The following ZNRF3 variants were observed in gnomAD, a reference collection of about 807,000 sequenced individuals.
The protein encoded by ZNRF3 is E3 ubiquitin-protein ligase ZNRF3.
In ZNRF3, 23 loss-of-function variants were observed where a neutral mutation model predicts 72.5. The observed-to-expected ratio is 0.32, with a 90% confidence interval of 0.23 to 0.45. The LOEUF (loss-of-function observed/expected upper bound fraction) is 0.45. ZNRF3 is among the 20% of genes least tolerant of loss of function. The pLI is 1.00. For missense variants in ZNRF3, 1,169 were observed against 1,272.1 expected, an observed-to-expected ratio of 0.92 and a Z score of 1.23; for synonymous variants, 610 against 545.3, an observed-to-expected ratio of 1.12 and a Z score of -1.65.
At chr22:28,960,312 C>G (rs1294893131) in intron 1 of ZNRF3, among the ~76,000 whole-genome samples, 2 of 152,052 alleles carry the variant, frequency 1.3e-5, no homozygotes, top group African/African-American at 2.4e-5. Flanking sequence ...TGTACTGTCT[C>G]ATGGGTTTTT....
intron 2 of ZNRF3, among the ~76,000 whole-genome samples, chr22:28,998,949 G>C (rs1017475862): frequency 6.6e-6 from 1 of 152,086 alleles, no homozygotes; most frequent in Non-Finnish European, 1.5e-5. Context: ...GGCTCTTGAT[G>C]CAACAAGGGT....
At chr22:28,914,536 C>A (rs1374254916) in intron 1 of ZNRF3, among the ~76,000 whole-genome samples, 2 of 147,068 alleles carry the variant, frequency 1.4e-5, no homozygotes, top group Non-Finnish European at 3.0e-5. Context: ...AGTTGGAGGC[C>A]GGGCACGGTG....
intron 1 of ZNRF3, among the ~76,000 whole-genome samples, chr22:28,980,237 G>A (rs987702593): frequency 6.6e-6 from 1 of 152,084 alleles, no homozygotes; most frequent in Non-Finnish European, 1.5e-5. Context: ...AGGGGGGGAA[G>A]GGGAATGGAT....
intron 1 of ZNRF3, among the ~76,000 whole-genome samples, chr22:28,921,290 T>C (rs1277067648): frequency 2.0e-5 from 3 of 152,156 alleles, no homozygotes; most frequent in Non-Finnish European, 4.4e-5. Flanking sequence ...GGCTGCCAGA[T>C]GTGCTCCCCT....
At chr22:28,901,455 C>T (rs1435018220) in intron 1 of ZNRF3, among the ~76,000 whole-genome samples, 1 of 152,024 alleles carries the variant, frequency 6.6e-6, no homozygotes, top group East Asian at 1.9e-4. Flanking sequence ...ACCAGGGAAC[C>T]ATGTTTGTTA....
chr22:28,937,210 TA>T (rs1340138302), intron 1 of ZNRF3, among the ~76,000 whole-genome samples: 38 of 2,848 alleles, frequency 0.013, no homozygotes, highest in Middle Eastern at 0.083. Flanking sequence ...TATATATATA[TA>T]TATATTTTTT....
In ZNRF3 at chr22:29,055,648, A is replaced by G. The variant is rs2037285064; in HGVS notation, c.*2026A>G. 1 of 152,254 alleles carries G rather than the reference A, an allele frequency of 6.6e-6. No homozygotes were observed. Among genetic ancestry groups the G allele is most frequent in the Admixed American group, 6.5e-5 (1 of 15,274 alleles). 9.4% of individuals were successfully genotyped at this position (152,254 alleles called of 1,614,324 possible). A position where few individuals can be genotyped will look rare whatever the true frequency, so the allele number is the denominator to read the frequency against. The stretch of plus-strand genomic sequence containing the variant: ...TGTGAGAAGCGCCTAAGCTGGTGAC[A>G]TGTGATCTGGGACGCCTTCATTTCT... On this transcript the variant is annotated 3_prime_UTR_variant, in exon 9 of 9. Transcript: ENST00000544604.
At chr22:28,911,678 G>GT (rs2123761111) in intron 1 of ZNRF3, among the ~76,000 whole-genome samples, 1 of 80,300 alleles carries the variant, frequency 1.2e-5, no homozygotes, top group Non-Finnish European at 2.7e-5. Flanking sequence ...TTAGCACTTT[G>GT]TTTTTTCTGA....
chr22:28,884,882 G>C (rs1165755259), intron 1 of ZNRF3, among the ~76,000 whole-genome samples: 1 of 152,196 alleles, frequency 6.6e-6, no homozygotes, highest in East Asian at 1.9e-4. Context: ...TTTGGAGGAG[G>C]GACTCTCAAC....
At position 29,049,328 on chromosome 22, in the gene ZNRF3, A is replaced by G; in HGVS notation, c.1147A>G (p.Thr383Ala). 1.9e-6 allele frequency: 3 copies of G among 1,613,788 alleles called. No individual in the cohort carries two copies. The highest frequency in any genetic ancestry group is 2.2e-5 in the South Asian group (2 of 91,070). The change falls in exon 8 of 9, where the codon ACG (threonine) becomes GCG (alanine). Residue 383 changes from threonine to alanine, a missense_variant. Coordinates refer to ENST00000544604, the MANE Select transcript of ZNRF3 (RefSeq NM_001206998.2). The surrounding 1 kb of genome is among the most constrained non-coding windows in gnomAD (Gnocchi z 5.2). ...GACCAACGCCATCCCAGCCTACCCT[A>G]CGAGGACAAGCATGGACTCCCACGG... Reference protein sequence around the residue: ...HRTNAIPAYPTRTSMDSHGNP... With the variant: ...HRTNAIPAYPARTSMDSHGNP...
At chr22:28,974,197 G>A (rs926561424) in intron 1 of ZNRF3, among the ~76,000 whole-genome samples, 5 of 152,024 alleles carry the variant, frequency 3.3e-5, no homozygotes, top group Non-Finnish European at 7.4e-5. Flanking sequence ...TCCTGACCTC[G>A]TGATCCGCCT....
chr22:28,968,545 A>C (rs1230694612), intron 1 of ZNRF3, among the ~76,000 whole-genome samples: 1 of 152,126 alleles, frequency 6.6e-6, no homozygotes. Context: ...CCCTGTCTCT[A>C]CTAAAAATAC....
At chr22:28,896,431 C>A (rs1411056710) in intron 1 of ZNRF3, among the ~76,000 whole-genome samples, 1 of 152,044 alleles carries the variant, frequency 6.6e-6, no homozygotes, top group African/African-American at 2.4e-5. Flanking sequence ...CCACGCCTGG[C>A]CCCTATATTT....
At chr22:28,920,887 C>T (rs1555968575) in intron 1 of ZNRF3, among the ~76,000 whole-genome samples, 1 of 152,216 alleles carries the variant, frequency 6.6e-6, no homozygotes, top group Non-Finnish European at 1.5e-5. Flanking sequence ...GTGCTTGACC[C>T]TCCTTAGCTC....
chr22:28,987,755 G>A (rs2035881983), intron 2 of ZNRF3, among the ~76,000 whole-genome samples: 1 of 152,208 alleles, frequency 6.6e-6, no homozygotes, highest in Non-Finnish European at 1.5e-5. Flanking sequence ...CTCCAGATGA[G>A]TTCAGGTCCA....
At chr22:29,037,673 A>G (rs978091361) in intron 2 of ZNRF3, among the ~76,000 whole-genome samples, 1 of 152,198 alleles carries the variant, frequency 6.6e-6, no homozygotes, top group African/African-American at 2.4e-5. Flanking sequence ...GGCCACAGAC[A>G]TTATCTAGTC....
chr22:28,956,528 C>T (rs1159696354), intron 1 of ZNRF3, among the ~76,000 whole-genome samples: 1 of 152,036 alleles, frequency 6.6e-6, no homozygotes, highest in Non-Finnish European at 1.5e-5. Context: ...GCCTTTTCTC[C>T]TACAGGAAGA....
At chr22:29,001,164 G>T (rs1327040109) in intron 2 of ZNRF3, among the ~76,000 whole-genome samples, 1 of 148,206 alleles carries the variant, frequency 6.7e-6, no homozygotes, top group African/African-American at 2.5e-5. Flanking sequence ...CGCCTCCTGG[G>T]TTCACACCAT....
intron 1 of ZNRF3, among the ~76,000 whole-genome samples, chr22:28,953,992 C>T (rs1267622430): frequency 3.9e-5 from 6 of 152,144 alleles, no homozygotes; most frequent in Non-Finnish European, 5.9e-5. Context: ...GGTTCCACAC[C>T]ATAGGGTTGT....
Sources: gnomAD v4.1 joint callset for allele counts (sites outside exome capture counted in the v4.1 genomes callset) on GRCh38, gnomAD v4.1.1 for gene constraint, Gnocchi (gnomAD v3.1) non-coding constraint, MANE v1.5 for transcripts, NCBI Gene and HGNC (gene_info 2026-07-23, HGNC 2026-07-21) for gene names.